Variants in DPY19L4 observed in about 807,000 individuals in gnomAD.
DPY19L4 encodes dpy-19 like 4.
DPY19L4 carries 97 observed loss-of-function variants against 102.8 expected under a neutral mutation model. That is an observed-to-expected ratio of 0.94 (90% CI 0.80 to 1.12). DPY19L4 has a LOEUF of 1.12. Among genes scored for constraint, DPY19L4 ranks in the 50% most tolerant of loss-of-function variants. DPY19L4 has a pLI of 0.00. For synonymous variants in DPY19L4, 252 were observed against 283.1 expected, an observed-to-expected ratio of 0.89 and a Z score of 1.10; for missense variants, 815 against 850.4, an observed-to-expected ratio of 0.96 and a Z score of 0.52.
intron 2 of DPY19L4, 26 bp from the exon 3 acceptor site, chr8:94,734,604 T>G: frequency 1.9e-6 from 3 of 1,594,218 alleles, no homozygotes; most frequent in Non-Finnish European, 2.6e-6. Flanking sequence ...TATTACCTTT[T>G]CATTACTTTT....
At chr8:94,745,562 G>T (rs941637782) in intron 6 of DPY19L4, among the ~76,000 whole-genome samples, 11 of 152,122 alleles carry the variant, frequency 7.2e-5, no homozygotes, top group African/African-American at 2.7e-4. Context: ...GATACAATTG[G>T]CAGACAATAA....
chr8:94,744,041 T>G (rs375883033), intron 6 of DPY19L4, among the ~76,000 whole-genome samples: 21 of 152,360 alleles, frequency 1.4e-4, no homozygotes, highest in African/African-American at 4.8e-4. Context: ...CTTTTTTGAT[T>G]GTGTGATGTA....
intron 9 of DPY19L4, among the ~76,000 whole-genome samples, 165 bp downstream of exon 9, chr8:94,765,479 G>C (rs902409373): frequency 5.3e-5 from 8 of 152,014 alleles, no homozygotes; most frequent in African/African-American, 1.9e-4. Flanking sequence ...GGGATTACAA[G>C]CATGCGCCAC....
chr8:94,739,890 C>T, intron 6 of DPY19L4, 100 bp downstream of exon 6: 1 of 1,379,764 alleles, frequency 7.2e-7, no homozygotes, highest in Non-Finnish European at 1.0e-6. Context: ...CACTCTAATC[C>T]TCAGAACCTA....
chr8:94,720,996 G>A (rs1487380403), intron 1 of DPY19L4, among the ~76,000 whole-genome samples: 1 of 151,684 alleles, frequency 6.6e-6, no homozygotes, highest in African/African-American at 2.4e-5. Flanking sequence ...GCCCAGTCTA[G>A]AGTGCAAAGG....
At chr8:94,746,539 A>G (rs899069859) in intron 6 of DPY19L4, among the ~76,000 whole-genome samples, 7 of 152,212 alleles carry the variant, frequency 4.6e-5, no homozygotes, top group African/African-American at 1.7e-4. Context: ...CATATTACAT[A>G]TTGACATGAC....
intron 6 of DPY19L4, among the ~76,000 whole-genome samples, chr8:94,743,128 A>G (rs918265436): frequency 2.0e-5 from 3 of 152,018 alleles, no homozygotes; most frequent in Non-Finnish European, 2.9e-5. Flanking sequence ...CCCGCATTCA[A>G]GTGAGTCTCC....
intron 13 of DPY19L4, among the ~76,000 whole-genome samples, chr8:94,774,579 CTTT>C (rs1218454912): frequency 2.3e-5 from 3 of 132,878 alleles, no homozygotes; most frequent in Non-Finnish European, 3.2e-5. Flanking sequence ...CCACTTCTTT[CTTT>C]TTTTTTTTTT....
chr8:94,766,734 A>G (rs1380299351), intron 11 of DPY19L4, 49 bp downstream of exon 11: 1 of 1,531,562 alleles, frequency 6.5e-7, no homozygotes, highest in Non-Finnish European at 9.0e-7. Context: ...CACTTAGAAA[A>G]TAAAGATAAA....
intron 16 of DPY19L4, 120 bp downstream of exon 16, chr8:94,781,286 C>A: frequency 3.3e-6 from 3 of 897,616 alleles, no homozygotes; most frequent in Non-Finnish European, 3.1e-6. Flanking sequence ...AAAACTCAGG[C>A]GTTTTAGGGA....
chr8:94,751,484 C>CTTAT (rs561967857), intron 6 of DPY19L4, among the ~76,000 whole-genome samples: 5,154 of 150,070 alleles, frequency 0.034, 115 homozygotes, highest in Non-Finnish European at 0.04. Context: ...TGTCTGGTTT[C>CTTAT]TTATTTATTT....
At position 94,770,456 on chromosome 8, in the gene DPY19L4, A is replaced by G. The variant is rs1476322696; in HGVS notation, c.1339A>G (p.Lys447Glu). ...LQVIFRRING[K>E]SLKETVTLED... ...AAATACATTTTCTTTTTGTAGTGGTAAGTCCCTGAAGGAAACTGTTACTCT... is the reference window on the plus strand; with the variant it reads ...AAATACATTTTCTTTTTGTAGTGGTGAGTCCCTGAAGGAAACTGTTACTCT... Residue 447 changes from lysine to glutamate, a missense_variant, in exon 13 of 19, where the codon AAG (lysine) becomes GAG (glutamate). Physicochemically the swap from Lys to Glu is moderately conservative, Grantham distance 56 (BLOSUM62 1). Transcript: ENST00000414645. The G allele has an allele frequency of 6.2e-7, 1 of 1,607,776 alleles. No individual in the cohort carries two copies.
rs534503644 is a variant in DPY19L4 at position 94,793,577 on chromosome 8, A to G, written c.*3667A>G. ...CATTTGCCCAATTTAAAAAATACGT[A>G]GTCTCTATTGTTGCTGTTTACTAAT... is the stretch of plus-strand genomic sequence containing the variant. On this transcript the variant is annotated 3_prime_UTR_variant, in exon 19 of 19. Coordinates refer to ENST00000414645, the MANE Select transcript of DPY19L4 (RefSeq NM_181787.3). 1 of 152,280 alleles carries G rather than the reference A, an allele frequency of 6.6e-6. No individual in the cohort carries two copies. Among genetic ancestry groups the G allele is most frequent in the South Asian group, 2.1e-4 (1 of 4,824 alleles). The allele number at this position is 152,280 out of a possible 1,614,324, so 9.4% of individuals were successfully genotyped here.
intron 6 of DPY19L4, among the ~76,000 whole-genome samples, chr8:94,750,259 T>C (rs1811858708): frequency 6.6e-6 from 1 of 152,208 alleles, no homozygotes; most frequent in Non-Finnish European, 1.5e-5. Context: ...AAAAATTATT[T>C]GTCATAGACA....
intron 2 of DPY19L4, among the ~76,000 whole-genome samples, chr8:94,727,360 A>G (rs1442961146): frequency 6.6e-6 from 1 of 152,162 alleles, no homozygotes; most frequent in Non-Finnish European, 1.5e-5. Flanking sequence ...CAGCCTCCTC[A>G]GTAGCTGGAA....
chr8:94,770,002 C>G (rs1297162376), intron 12 of DPY19L4, among the ~76,000 whole-genome samples: 1 of 151,524 alleles, frequency 6.6e-6, no homozygotes, highest in Non-Finnish European at 1.5e-5. Context: ...ATTCTCTTGC[C>G]TCAACCTCCG....
chr8:94,777,518 GT>G (rs1813237627), intron 13 of DPY19L4, 147 bp from the exon 14 acceptor site: 1 of 950,336 alleles, frequency 1.1e-6, no homozygotes, highest in East Asian at 2.5e-5. Flanking sequence ...ATAACAATCT[GT>G]TGCTGAAAAT....
rs1813528398 is a variant in DPY19L4 at position 94,783,652 on chromosome 8, C to A, written c.1716-18C>A. ...ATACTTGCCTTTTCAGTGTGCAAAT[C>A]TTTATGGTTCTTTGCAGAAGGCAAG... On this transcript the variant is annotated intron_variant, in intron 16 of 18. Transcript: ENST00000414645. 1 of 1,611,642 alleles carries A rather than the reference C, an allele frequency of 6.2e-7. No individual in the cohort carries two copies. The highest frequency in any genetic ancestry group is 1.1e-5 in the South Asian group (1 of 90,610).
At chr8:94,786,138 T>TTTGTTG (rs949013250) in intron 17 of DPY19L4, among the ~76,000 whole-genome samples, 1 of 152,076 alleles carries the variant, frequency 6.6e-6, no homozygotes, top group South Asian at 2.1e-4. Flanking sequence ...AATTTTAATT[T>TTTGTTG]TTGTTGTTGT....
Sources: allele counts gnomAD v4.1 joint callset (sites outside exome capture counted in the v4.1 genomes callset), GRCh38; gene constraint gnomAD v4.1.1; transcripts MANE v1.5; gene names NCBI Gene and HGNC (gene_info 2026-07-23, HGNC 2026-07-21).